Variants in CHD9 observed in about 807,000 individuals in gnomAD.
The protein encoded by CHD9 is ATP-dependent chromatin remodeler CHD9.
CHD9 carries 77 observed loss-of-function variants against 316.1 expected under a neutral mutation model. The observed-to-expected ratio is 0.24, with a 90% CI of 0.20 to 0.29. The LOEUF is 0.29. CHD9 is among the 10% of genes least tolerant of loss of function. The pLI, the probability that CHD9 is intolerant of heterozygous loss-of-function variation, is 1.00. For missense variants in CHD9, 2,763 were observed against 3,438.1 expected (o/e 0.80, Z 4.91); for synonymous variants, 1,129 against 1,158.3 (o/e 0.97, Z 0.51).
Position 53,103,309 on chromosome 16 carries a change from A to C in CHD9, c.-165+48232A>C, listed in dbSNP as rs531091904. Among the ~76,000 whole-genome samples, 4 of 152,158 alleles carry C rather than the reference A, an allele frequency of 2.6e-5. No individual in the cohort carries two copies. In the East Asian group the frequency reaches 7.7e-4, roughly 29 times the overall value. ...CAGCCTCCCAAAGTGCTGGGATTACAGGTGTGAGCCACCATGCCCAGCTTA... is the reference window on the plus strand; with the variant it reads ...CAGCCTCCCAAAGTGCTGGGATTACCGGTGTGAGCCACCATGCCCAGCTTA... On this transcript the variant is annotated intron_variant, in intron 1 of 38. Coordinates refer to ENST00000447540, the MANE Select transcript of CHD9 (RefSeq NM_001308319.2).
At chr16:53,102,235 A>G (rs956883780) in intron 1 of CHD9, among the ~76,000 whole-genome samples, 3 of 152,084 alleles carry the variant, frequency 2.0e-5, no homozygotes, top group African/African-American at 4.8e-5. Context: ...CTTTGGCCCT[A>G]TGTTTCTCTA....
At chr16:53,310,740 A>C (rs913303575) in intron 34 of CHD9, 4 of 150,792 alleles carry the variant, frequency 2.7e-5, no homozygotes, top group Admixed American at 2.0e-4. Flanking sequence ...ATTCCCAGCT[A>C]CTCAGGAGGC....
chr16:53,063,783 G>A (rs778278118), intron 1 of CHD9, among the ~76,000 whole-genome samples: 37 of 150,176 alleles, frequency 2.5e-4, no homozygotes, highest in African/African-American at 7.8e-4. Flanking sequence ...CGCCCATCTC[G>A]GCCTCCCAAA....
intron 1 of CHD9, among the ~76,000 whole-genome samples, chr16:53,140,082 C>G (rs982769367): frequency 2.6e-5 from 4 of 151,240 alleles, no homozygotes; most frequent in African/African-American, 9.7e-5. Flanking sequence ...TGGGCAACAG[C>G]AAGACCCTAT....
chr16:53,293,281 AT>A (rs370419299), intron 29 of CHD9, among the ~76,000 whole-genome samples: 87 of 152,096 alleles, frequency 5.7e-4, no homozygotes, highest in East Asian at 2.3e-3. Context: ...TACTGTAATC[AT>A]TTTTTTTGTC....
intron 17 of CHD9, among the ~76,000 whole-genome samples, chr16:53,252,131 A>C (rs1338459647): frequency 3.9e-5 from 6 of 152,224 alleles, no homozygotes. Context: ...TGAAGGCATC[A>C]CACTACCTGA....
intron 2 of CHD9, among the ~76,000 whole-genome samples, chr16:53,200,968 C>G (rs1021359032): frequency 3.3e-5 from 5 of 152,190 alleles, no homozygotes; most frequent in African/African-American, 1.2e-4. Flanking sequence ...ACTCTACAAG[C>G]ATTATCTATT....
At chr16:53,222,808 A>C in intron 4 of CHD9, 53 bp downstream of exon 4, 1 of 829,658 alleles carries the variant, frequency 1.2e-6, no homozygotes, top group Non-Finnish European at 2.0e-6. Flanking sequence ...TGATTTAGTT[A>C]GCATAATATT....
intron 1 of CHD9, among the ~76,000 whole-genome samples, chr16:53,065,843 A>G (rs888999301): frequency 3.9e-5 from 6 of 151,960 alleles, no homozygotes; most frequent in African/African-American, 1.5e-4. Context: ...TGATTCCTTC[A>G]GCTTTTGTTA....
chr16:53,117,407 AATAT>A (rs35017419), intron 1 of CHD9, among the ~76,000 whole-genome samples: 57 of 148,456 alleles, frequency 3.8e-4, no homozygotes, highest in Non-Finnish European at 3.3e-4. Context: ...TCTCTGACGT[AATAT>A]ATATATATAT....
intron 38 of CHD9, among the ~76,000 whole-genome samples, chr16:53,323,619 C>T (rs148093417): frequency 0.01 from 1,558 of 152,256 alleles, 20 homozygotes; most frequent in Non-Finnish European, 0.012. Flanking sequence ...CTTTAATATT[C>T]CTTCTTTATT....
intron 2 of CHD9, among the ~76,000 whole-genome samples, chr16:53,183,094 A>C (rs2043664981): frequency 6.6e-6 from 1 of 152,234 alleles, no homozygotes; most frequent in South Asian, 2.1e-4. Context: ...ATCAGCTTCT[A>C]TACTAACACT....
chr16:53,310,594 T>A (rs2056378142), intron 34 of CHD9, among the ~76,000 whole-genome samples: 1 of 151,644 alleles, frequency 6.6e-6, no homozygotes, highest in Admixed American at 6.6e-5. Context: ...ATGCCTGTAA[T>A]CCCAGAACTC....
At chr16:53,212,316 A>G (rs534358372) in intron 3 of CHD9, among the ~76,000 whole-genome samples, 1 of 152,146 alleles carries the variant, frequency 6.6e-6, no homozygotes, top group Non-Finnish European at 1.5e-5. Flanking sequence ...GAGGCAGGAG[A>G]ATGGCGTGAA....
At position 53,308,080 on chromosome 16, in the gene CHD9, T is replaced by C. The variant is rs545044894; in HGVS notation, c.7053+127T>C. The C allele has an allele frequency of 6.2e-6, 5 of 812,664 alleles. No homozygotes were observed. The East Asian group carries it at 8.1e-5, about 13-fold the overall frequency. The allele number at this position is 812,664 out of a possible 1,614,324, so 50.3% of individuals were successfully genotyped here. ...ACCTGTTTCTTGGTATTTGGATTAT[T>C]TTCTTTCTGATATCCAGGTTATTAA... is the stretch of plus-strand genomic sequence containing the variant. On this transcript the variant is annotated intron_variant, in intron 33 of 38. Coordinates refer to ENST00000447540, the MANE Select transcript of CHD9 (RefSeq NM_001308319.2).
At chr16:53,061,987 T>C (rs2032960388) in intron 1 of CHD9, among the ~76,000 whole-genome samples, 1 of 152,144 alleles carries the variant, frequency 6.6e-6, no homozygotes, top group Non-Finnish European at 1.5e-5. Flanking sequence ...GAAAGGGATT[T>C]TTCCCTTTTG....
intron 38 of CHD9, among the ~76,000 whole-genome samples, chr16:53,323,677 G>A (rs2057407589): frequency 6.6e-6 from 1 of 152,144 alleles, no homozygotes. Context: ...TCTAGGACAA[G>A]TGATGGTGTG....
Position 53,124,919 on chromosome 16 carries a change from A to G in CHD9, c.-164-31007A>G, listed in dbSNP as rs561193871. ...TTTTGGGTGGGGACACAGTCAAACC[A>G]TATCACACTTACTATTGTTTGTCTT... is the stretch of plus-strand genomic sequence containing the variant. On this transcript the variant is annotated intron_variant, in intron 1 of 38. Coordinates refer to ENST00000447540, the MANE Select transcript of CHD9 (RefSeq NM_001308319.2). Among the ~76,000 whole-genome samples, 86 of 152,282 alleles carry G rather than the reference A, an allele frequency of 5.6e-4. 1 individual carries two copies. The highest frequency in any genetic ancestry group is 5.3e-4 in the Non-Finnish European group (36 of 68,002).
chr16:53,123,163 T>A (rs1324711036), intron 1 of CHD9, among the ~76,000 whole-genome samples: 1 of 139,308 alleles, frequency 7.2e-6, no homozygotes, highest in East Asian at 2.1e-4. Flanking sequence ...ACGCCCGGCC[T>A]GGAATCACTT....
Sources: allele counts gnomAD v4.1 joint callset (sites outside exome capture counted in the v4.1 genomes callset), GRCh38; gene constraint gnomAD v4.1.1; transcripts MANE v1.5; gene names NCBI Gene and HGNC (gene_info 2026-07-23, HGNC 2026-07-21).